Variants in CA2 observed in about 807,000 individuals in gnomAD.
CA2 encodes the protein carbonate dehydratase II.
In CA2, 23 loss-of-function variants were observed where a neutral mutation model predicts 27.8. The observed-to-expected ratio is 0.83, with a 90% CI of 0.59 to 1.17. The LOEUF (loss-of-function observed/expected upper bound fraction) is 1.17, where lower values mean the gene tolerates loss of function less well. CA2 is among the 50% of genes most tolerant of loss of function. The pLI is 0.00. For missense variants in CA2, 300 were observed against 314.7 expected (o/e 0.95, Z 0.35); for synonymous variants, 99 against 114.9 (o/e 0.86, Z 0.88).
chr8:85,469,928 T>C (rs1176438127), intron 2 of CA2, among the ~76,000 whole-genome samples: 3 of 152,166 alleles, frequency 2.0e-5, no homozygotes, highest in African/African-American at 7.2e-5. Flanking sequence ...TTTCAGGGAC[T>C]TGCTTTTGAA....
intron 2 of CA2, among the ~76,000 whole-genome samples, chr8:85,469,133 T>G (rs910891054): frequency 6.6e-6 from 1 of 152,214 alleles, no homozygotes; most frequent in Non-Finnish European, 1.5e-5. Context: ...TTATTTATTT[T>G]AGTCACTTAA....
At chr8:85,473,238 A>T (rs1355896128) in intron 2 of CA2, among the ~76,000 whole-genome samples, 1 of 152,130 alleles carries the variant, frequency 6.6e-6, no homozygotes, top group African/African-American at 2.4e-5. Flanking sequence ...GCCTTGGTGG[A>T]AGAGAGGGTC....
chr8:85,476,998 C>G (rs1303684040), intron 5 of CA2, 122 bp from the exon 6 acceptor site: 4 of 931,258 alleles, frequency 4.3e-6, no homozygotes, highest in Non-Finnish European at 7.1e-6. Context: ...TATAGAACCT[C>G]TTTTTTAAAA....
chr8:85,476,536 A>G (rs1019963776), intron 5 of CA2, among the ~76,000 whole-genome samples: 1 of 151,846 alleles, frequency 6.6e-6, no homozygotes. Context: ...AAATAACTCT[A>G]CTCTGTCTCT....
At chr8:85,470,700 A>AC (rs2130552899) in intron 2 of CA2, among the ~76,000 whole-genome samples, 1 of 152,274 alleles carries the variant, frequency 6.6e-6, no homozygotes, top group Admixed American at 6.5e-5. Flanking sequence ...CTATAACATT[A>AC]TACTTAGTGC....
intron 2 of CA2, among the ~76,000 whole-genome samples, chr8:85,468,157 C>G: frequency 6.6e-6 from 1 of 152,198 alleles, no homozygotes; most frequent in East Asian, 1.9e-4. Flanking sequence ...ACAGGAAAGA[C>G]TTTCCAGGGT....
chr8:85,475,125 T>C (rs1166391678), intron 4 of CA2, among the ~76,000 whole-genome samples: 4 of 151,980 alleles, frequency 2.6e-5, no homozygotes, highest in African/African-American at 7.3e-5. Context: ...CTGGGCAACA[T>C]AGCACAATTC....
intron 4 of CA2, among the ~76,000 whole-genome samples, chr8:85,475,200 A>G (rs1811774793): frequency 6.6e-6 from 1 of 151,742 alleles, no homozygotes; most frequent in African/African-American, 2.4e-5. Flanking sequence ...ACAAAAAAAC[A>G]AAACAAAAAC....
At position 85,464,054 on chromosome 8, in the gene CA2, C is replaced by T; in HGVS notation, c.-28C>T. ...GCCGCCGCCAGATCGGTGCCGATTC[C>T]TGCCCTGCCCCGACCGCCAGCGCGA... is the stretch of plus-strand genomic sequence containing the variant. On this transcript the variant is annotated 5_prime_UTR_variant, in exon 1 of 7. Coordinates refer to ENST00000285379, the MANE Select transcript of CA2 (RefSeq NM_000067.3). The T allele has an allele frequency of 6.5e-7, 1 of 1,543,682 alleles. No individual in the cohort carries two copies. Among genetic ancestry groups the T allele is most frequent in the Non-Finnish European group, 8.7e-7 (1 of 1,147,454 alleles).
intron 2 of CA2, among the ~76,000 whole-genome samples, chr8:85,466,561 T>C (rs1246437994): frequency 6.6e-6 from 1 of 152,050 alleles, no homozygotes; most frequent in Non-Finnish European, 1.5e-5. Context: ...CTTTCTGAAA[T>C]GGTGATTCTG....
At chr8:85,474,221 A>C in intron 3 of CA2, 103 bp from the exon 4 acceptor site, 1 of 895,772 alleles carries the variant, frequency 1.1e-6, no homozygotes, top group Non-Finnish European at 1.9e-6. Flanking sequence ...CCATATTTTC[A>C]ATTTCCTGAG....
chr8:85,466,056 A>ACC lies in CA2; in HGVS notation c.232+588_232+589dup, dbSNP rs558449617. ...AAGATGTTTTAGAGTTGGTGAACAT[A>ACC]CCTGGCCCATTACTGACAAAACCAA... On this transcript the variant is annotated intron_variant, in intron 2 of 6. Transcript: ENST00000285379. Among the ~76,000 whole-genome samples, 156 of 151,886 alleles carry ACC rather than the reference A, an allele frequency of 1.0e-3. 2 individuals are homozygous for ACC. The highest frequency in any genetic ancestry group is 2.8e-3 in the African/African-American group (116 of 41,472).
At position 85,475,868 on chromosome 8, in the gene CA2, T is replaced by A. The variant is rs1383980005; in HGVS notation, c.507+8T>A. Reference sequence around the variant, plus strand: ...GATTCCATTAAAACAAAGGTAAATTTGAATTTTCTGCCACCTCCTTAGGGT... The same window carrying A: ...GATTCCATTAAAACAAAGGTAAATTAGAATTTTCTGCCACCTCCTTAGGGT... On this transcript the variant is annotated splice_region_variant and intron_variant, in intron 5 of 6. Transcript: ENST00000285379. The A allele has an allele frequency of 6.2e-7, 1 of 1,612,754 alleles. No homozygotes were observed. Among genetic ancestry groups the A allele is most frequent in the South Asian group, 1.1e-5 (1 of 90,994 alleles).
chr8:85,464,560 A>G (rs1329432817), intron 1 of CA2: 8 of 15,558 alleles, frequency 5.1e-4, no homozygotes, highest in African/African-American at 2.3e-3. Flanking sequence ...CCCCCACCCC[A>G]CCCCTCCAGC....
intron 6 of CA2, among the ~76,000 whole-genome samples, chr8:85,479,149 CT>C (rs2130567544): frequency 6.6e-6 from 1 of 152,244 alleles, no homozygotes; most frequent in East Asian, 1.9e-4. Context: ...ATAAATGGGT[CT>C]GCTAATTCTG....
intron 6 of CA2, 103 bp from the exon 7 acceptor site, chr8:85,480,567 G>A: frequency 8.7e-7 from 1 of 1,154,934 alleles, no homozygotes; most frequent in Non-Finnish European, 1.3e-6. Context: ...ACAGGCATGA[G>A]CCACTGCGCC....
At chr8:85,465,222 G>C in intron 1 of CA2, 50 bp from the exon 2 acceptor site, 1 of 1,442,432 alleles carries the variant, frequency 6.9e-7, no homozygotes, top group Non-Finnish European at 9.8e-7. Flanking sequence ...CTAGGGGTCT[G>C]GGTGTACCTT....
At chr8:85,468,387 G>A (rs973567694) in intron 2 of CA2, among the ~76,000 whole-genome samples, 12 of 152,148 alleles carry the variant, frequency 7.9e-5, no homozygotes, top group African/African-American at 2.9e-4. Flanking sequence ...CAGTTACTTT[G>A]GTTAAACAAG....
chr8:85,469,884 C>T (rs1254105794), intron 2 of CA2, among the ~76,000 whole-genome samples: 3 of 152,208 alleles, frequency 2.0e-5, no homozygotes, highest in South Asian at 2.1e-4. Context: ...GTCTGTATGA[C>T]GTAATGGATC....
Sources: allele counts gnomAD v4.1 joint callset (sites outside exome capture counted in the v4.1 genomes callset), GRCh38; gene constraint gnomAD v4.1.1; transcripts MANE v1.5; gene names NCBI Gene and HGNC (gene_info 2026-07-23, HGNC 2026-07-21).